The following GEMIN5 variants were observed in gnomAD, a reference collection of about 807,000 sequenced individuals.
GEMIN5 encodes the protein gem nuclear organelle associated protein 5.
Under a neutral mutation model 176.9 loss-of-function variants are expected in GEMIN5, and 124 were observed. That is an observed-to-expected ratio of 0.70 (90% CI 0.61 to 0.81). GEMIN5 has a LOEUF of 0.81. Ranked by LOEUF, GEMIN5 falls within the 40% of genes least tolerant of loss-of-function variation. The pLI is 0.00. For missense variants in GEMIN5, 1,843 were observed against 1,814.6 expected (o/e 1.02, Z -0.28); for synonymous variants, 673 against 665.2 (o/e 1.01, Z -0.18).
Position 154,904,652 on chromosome 5 carries a change from C to G in GEMIN5, c.2510-23G>C, listed in dbSNP as rs200003670. 9 of 1,589,106 alleles carry G rather than the reference C, an allele frequency of 5.7e-6. No homozygotes were observed. The Admixed American group carries it at 6.7e-5, about 12-fold the overall frequency. On this transcript the variant is annotated intron_variant, in intron 17 of 27. Coordinates refer to ENST00000285873, the MANE Select transcript of GEMIN5 (RefSeq NM_015465.5). ...TTTCTGAAATTTAATAAAGTACATACTATCTGAAGGAGAACTGATCAGAAA... is the reference window on the plus strand; with the variant it reads ...TTTCTGAAATTTAATAAAGTACATAGTATCTGAAGGAGAACTGATCAGAAA...
At position 154,932,173 on chromosome 5, in the gene GEMIN5, T is replaced by G; in HGVS notation, c.587A>C (p.Asp196Ala). 6.2e-7 allele frequency: 1 copy of G among 1,611,374 alleles called. No homozygotes were observed. Among genetic ancestry groups the G allele is most frequent in the Non-Finnish European group, 8.5e-7 (1 of 1,177,452 alleles). ...EVIHRLRGHD[D>A]EIHSIAWCPL... ...ACACCAGGCTATGGAGTGGATTTCATCATCATGGCCTCGAAGCCTATGAAT... is the reference window on the plus strand; with the variant it reads ...ACACCAGGCTATGGAGTGGATTTCAGCATCATGGCCTCGAAGCCTATGAAT... Residue 196 changes from aspartate to alanine, a missense_variant, in exon 4 of 28, where the codon GAT (aspartate) becomes GCT (alanine). Coordinates refer to ENST00000285873, the MANE Select transcript of GEMIN5 (RefSeq NM_015465.5).
Position 154,937,818 on chromosome 5 carries a change from G to C in GEMIN5, c.166+150C>G, listed in dbSNP as rs1044465229. ...GGTGTAGCTCATTAGGAGACCAGAAGCAACTCAGCTTAGTGACTGTGGGCT... is the reference window on the plus strand; with the variant it reads ...GGTGTAGCTCATTAGGAGACCAGAACCAACTCAGCTTAGTGACTGTGGGCT... On this transcript the variant is annotated intron_variant, in intron 1 of 27. Transcript: ENST00000285873. 1.3e-5 allele frequency: 8 copies of C among 632,694 alleles called. No homozygotes were observed. In the East Asian group the frequency reaches 2.4e-4, roughly 19 times the overall value. 39.2% of individuals were successfully genotyped at this position (632,694 alleles called of 1,614,324 possible).
At chr5:154,890,855 C>T (rs1763209094) in intron 26 of GEMIN5, among the ~76,000 whole-genome samples, 1 of 152,086 alleles carries the variant, frequency 6.6e-6, no homozygotes, top group South Asian at 2.1e-4. Flanking sequence ...CCTCTGCTGC[C>T]CAGGTTCAAA....
chr5:154,921,390 G>C lies in GEMIN5; in HGVS notation c.1415C>G (p.Thr472Ser). 1 of 1,486,248 alleles carries C rather than the reference G, an allele frequency of 6.7e-7. No individual in the cohort carries two copies. Among genetic ancestry groups the C allele is most frequent in the Non-Finnish European group, 9.3e-7 (1 of 1,080,526 alleles). 92.1% of individuals were successfully genotyped at this position (1,486,248 alleles called of 1,614,324 possible). ...TGGCCCCCAGGCTAAAGTATATACA[G>C]TCTTCTTATGATATGTGCTAGAAAT... is the stretch of plus-strand genomic sequence containing the variant. ...PQISSTYHKKTVYTLAWGPPV... is the reference protein window; with the variant it reads ...PQISSTYHKKSVYTLAWGPPV... The change falls in exon 10 of 28, where the codon ACT becomes AGT. Residue 472 changes from threonine (T) to serine (S), a missense_variant. Transcript: ENST00000285873.
intron 17 of GEMIN5, 22 bp from the exon 18 acceptor site, chr5:154,904,651 A>G (rs770736634): frequency 3.8e-6 from 6 of 1,591,980 alleles, no homozygotes; most frequent in Non-Finnish European, 5.2e-6. Context: ...TAAAGTACAT[A>G]CTATCTGAAG....
chr5:154,891,599 A>C lies in GEMIN5; in HGVS notation c.3904T>G (p.Trp1302Gly). 6.2e-7 allele frequency: 1 copy of C among 1,614,140 alleles called. No individual in the cohort carries two copies. Among genetic ancestry groups the C allele is most frequent in the Non-Finnish European group, 8.5e-7 (1 of 1,180,014 alleles). The change falls in exon 26 of 28, where the codon TGG (tryptophan) becomes GGG (glycine). Residue 1302 changes from tryptophan to glycine, a missense_variant. Trp to Gly is a radical substitution (Grantham distance 184). Transcript: ENST00000285873. ...LSRPCPNSSV[W>G]VRAGHRTLSV... The stretch of plus-strand genomic sequence containing the variant: ...AGTGTTCTGTGACCAGCCCTTACCC[A>C]GACACTGGAATTTGGGCAAGGTCTG...
intron 15 of GEMIN5, among the ~76,000 whole-genome samples, chr5:154,911,355 C>T (rs1763695402): frequency 6.6e-6 from 1 of 152,020 alleles, no homozygotes; most frequent in African/African-American, 2.4e-5. Context: ...CTACTAAAAA[C>T]ACAAAAAAAT....
At chr5:154,901,844 G>T (rs1179432303) in intron 20 of GEMIN5, among the ~76,000 whole-genome samples, 1 of 151,702 alleles carries the variant, frequency 6.6e-6, no homozygotes, top group African/African-American at 2.4e-5. Flanking sequence ...CTGTGGCTCA[G>T]GCTGGAGCGC....
At chr5:154,908,536 G>C (rs944266032) in intron 15 of GEMIN5, among the ~76,000 whole-genome samples, 1 of 152,146 alleles carries the variant, frequency 6.6e-6, no homozygotes. Flanking sequence ...TGGTACATTT[G>C]GTTGCCATGC....
Position 154,906,914 on chromosome 5 carries a change from G to A in GEMIN5, c.2395+677C>T, listed in dbSNP as rs748530964. Among the ~76,000 whole-genome samples, 117 of 152,116 alleles carry A rather than the reference G, an allele frequency of 7.7e-4. 2 individuals are homozygous for A. Among genetic ancestry groups the A allele is most frequent in the Non-Finnish European group, 9.6e-4 (65 of 68,024 alleles). On this transcript the variant is annotated intron_variant, in intron 16 of 27. Coordinates refer to ENST00000285873, the MANE Select transcript of GEMIN5 (RefSeq NM_015465.5). ...TACTTACACTGTTTGCTATTTAATC[G>A]TTTATTTTACCAGGGACCAGATATT...
intron 25 of GEMIN5, 62 bp from the exon 26 acceptor site, chr5:154,891,804 C>T (rs1582647611): frequency 6.8e-7 from 1 of 1,465,572 alleles, no homozygotes; most frequent in Non-Finnish European, 9.2e-7. Context: ...AATGTGGCTT[C>T]CTGCCCTTAT....
intron 3 of GEMIN5, among the ~76,000 whole-genome samples, chr5:154,932,601 T>G (rs893901540): frequency 2.6e-5 from 4 of 152,172 alleles, no homozygotes; most frequent in Admixed American, 2.6e-4. Flanking sequence ...CCTTCTCTGT[T>G]GCCCAGGCTG....
In GEMIN5 at chr5:154,903,001, A is replaced by G; in HGVS notation, c.2728+79T>C. ...CTAACCATTATAATATCACAGGATG[A>G]CAGCCATCAAAGAGGTGCACACAAA... On this transcript the variant is annotated intron_variant, in intron 19 of 27. Coordinates refer to ENST00000285873, the MANE Select transcript of GEMIN5 (RefSeq NM_015465.5). 4 of 921,508 alleles carry G rather than the reference A, an allele frequency of 4.3e-6. No homozygotes were observed. The South Asian group carries it at 5.9e-5, about 14-fold the overall frequency. 57.1% of individuals were successfully genotyped at this position (921,508 alleles called of 1,614,324 possible).
chr5:154,917,796 G>C, intron 12 of GEMIN5, 135 bp downstream of exon 12: 1 of 665,998 alleles, frequency 1.5e-6, no homozygotes, highest in South Asian at 1.7e-5. Context: ...TGGATCAGCG[G>C]AGGATATCAA....
At chr5:154,899,454 TA>T (rs1763421864) in intron 21 of GEMIN5, 144 bp from the exon 22 acceptor site, 1 of 597,560 alleles carries the variant, frequency 1.7e-6, no homozygotes, top group Non-Finnish European at 2.8e-6. Context: ...TTGCATTATA[TA>T]GACAAATTAG....
intron 16 of GEMIN5, among the ~76,000 whole-genome samples, chr5:154,907,173 G>C (rs933881438): frequency 3.9e-5 from 6 of 152,148 alleles, no homozygotes; most frequent in Admixed American, 3.9e-4. Context: ...AAGGGGGTGA[G>C]AGCTTGCAAG....
At chr5:154,917,890 T>A (rs1165940300) in intron 12 of GEMIN5, 41 bp downstream of exon 12, 1 of 1,252,368 alleles carries the variant, frequency 8.0e-7, no homozygotes, top group African/African-American at 1.5e-5. Flanking sequence ...CAAATATATG[T>A]GCGATTGCAA....
intron 10 of GEMIN5, 75 bp from the exon 11 acceptor site, chr5:154,920,178 A>G: frequency 9.0e-7 from 1 of 1,114,846 alleles, no homozygotes. Context: ...TAGTATGACC[A>G]TACCATACTA....
Position 154,898,556 on chromosome 5 carries a change from T to C in GEMIN5, c.3229A>G (p.Ile1077Val), listed in dbSNP as rs746175099. The change falls in exon 23 of 28, where the codon ATC (isoleucine) becomes GTC (valine). Residue 1077 changes from isoleucine to valine, a missense_variant. By Grantham distance (29) the Ile-to-Val change is conservative. Coordinates refer to ENST00000285873, the MANE Select transcript of GEMIN5 (RefSeq NM_015465.5). Reference sequence around the variant, plus strand: ...GCAGACAACTCATCCTCTCCTACGATGGCAGCCAACTCTGCAGCCGTTCTA... The same window carrying C: ...GCAGACAACTCATCCTCTCCTACGACGGCAGCCAACTCTGCAGCCGTTCTA... ...SLRTAAELAA[I>V]VGEDELSASL... The C allele has an allele frequency of 2.5e-5, 40 of 1,614,038 alleles. No individual in the cohort carries two copies. The South Asian group carries it at 3.5e-4, about 14-fold the overall frequency.
Sources: gnomAD v4.1 joint callset for allele counts (sites outside exome capture counted in the v4.1 genomes callset) on GRCh38, gnomAD v4.1.1 for gene constraint, MANE v1.5 for transcripts, NCBI Gene and HGNC (gene_info 2026-07-23, HGNC 2026-07-21) for gene names.